PCDH15: variants seen among roughly 807,000 people sequenced by gnomAD.
The protein encoded by PCDH15 is protocadherin related 15.
Under a neutral mutation model 178.5 loss-of-function variants are expected in PCDH15, and 129 were observed. The ratio of observed to expected loss-of-function variants is 0.72; its 90% CI spans 0.63 to 0.84. PCDH15 has a LOEUF of 0.84. Ranked by LOEUF, PCDH15 falls within the 40% of genes least tolerant of loss-of-function variation. PCDH15 has a pLI of 0.00. For missense variants in PCDH15, 2,230 were observed against 2,099.9 expected (o/e 1.06, Z -1.21); for synonymous variants, 800 against 732.0 (o/e 1.09, Z -1.50).
Position 53,806,579 on chromosome 10 carries a change from TCA to T in PCDH15, c.5221_5222del (p.Ter1741ThrfsTer16). Reference protein sequence around the residue: ...NNLHIPMTKL* With the variant: ...NNLHIPMTKLX ...ATTAAAATATCTTTTAAAAAATTGGTCACAGTTTTGTCATTGGTATATGGAGG... is the reference window on the plus strand; with the variant it reads ...ATTAAAATATCTTTTAAAAAATTGGTCAGTTTTGTCATTGGTATATGGAGG... On this transcript the variant is annotated frameshift_variant and stop_lost, in exon 38 of 38. Transcript: ENST00000644397. LOFTEE classifies it high-confidence loss of function. The T allele has an allele frequency of 1.3e-6, 2 of 1,579,512 alleles. No individual in the cohort carries two copies. Among genetic ancestry groups the T allele is most frequent in the Non-Finnish European group, 1.7e-6 (2 of 1,161,776 alleles).
intron 2 of PCDH15, among the ~76,000 whole-genome samples, chr10:55,568,185 G>C (rs527793296): frequency 2.0e-5 from 3 of 152,098 alleles, no homozygotes; most frequent in African/African-American, 7.2e-5. Flanking sequence ...GAACGGATAA[G>C]CAAAATGTGG....
chr10:54,445,566 T>C (rs1191149901), intron 3 of PCDH15, among the ~76,000 whole-genome samples: 1 of 151,608 alleles, frequency 6.6e-6, no homozygotes, highest in East Asian at 1.9e-4. Context: ...ATCATAATTG[T>C]TAAAGTTGAG....
At chr10:54,084,234 C>G (rs113351950) in intron 16 of PCDH15, among the ~76,000 whole-genome samples, 2,220 of 151,958 alleles carry the variant, frequency 0.015, 62 homozygotes, top group African/African-American at 0.051. Flanking sequence ...TACAGGTTCC[C>G]TGGGAGCTTA....
chr10:55,340,390 A>G (rs555610704), intron 2 of PCDH15, among the ~76,000 whole-genome samples: 1 of 152,062 alleles, frequency 6.6e-6, no homozygotes, highest in South Asian at 2.1e-4. Flanking sequence ...TCCTACACCC[A>G]AAATTATCCT....
intron 2 of PCDH15, among the ~76,000 whole-genome samples, chr10:55,070,688 T>A (rs931762435): frequency 1.2e-4 from 18 of 152,192 alleles, no homozygotes; most frequent in Non-Finnish European, 2.2e-4. Flanking sequence ...AGCCTTGTAG[T>A]ATAGTTTGAA....
chr10:55,391,000 A>G (rs1197996992), intron 2 of PCDH15, among the ~76,000 whole-genome samples: 6 of 152,208 alleles, frequency 3.9e-5, no homozygotes. Context: ...CAGCTGCATT[A>G]GCCCAATAAC....
chr10:54,763,777 A>T (rs1209830352), intron 1 of PCDH15, among the ~76,000 whole-genome samples: 1 of 147,896 alleles, frequency 6.8e-6, no homozygotes, highest in Non-Finnish European at 1.5e-5. Flanking sequence ...TAGTATATAA[A>T]TATACTATAT....
At chr10:55,187,719 A>T (rs1839835210) in intron 1 of PCDH15, among the ~76,000 whole-genome samples, 1 of 151,938 alleles carries the variant, frequency 6.6e-6, no homozygotes. Context: ...TAGATTTTTA[A>T]ATGTTCATTA....
chr10:54,048,283 C>A (rs925502049), intron 18 of PCDH15, among the ~76,000 whole-genome samples: 1 of 151,864 alleles, frequency 6.6e-6, no homozygotes, highest in African/African-American at 2.4e-5. Context: ...ATTTTAAGTT[C>A]TTTATAGAAT....
chr10:55,524,668 G>T (rs918510549), intron 2 of PCDH15, among the ~76,000 whole-genome samples: 5 of 151,422 alleles, frequency 3.3e-5, no homozygotes, highest in East Asian at 3.9e-4. Flanking sequence ...ATTGTAGGAT[G>T]AAATATTGCA....
intron 1 of PCDH15, among the ~76,000 whole-genome samples, chr10:54,778,636 C>G (rs1004704297): frequency 6.6e-6 from 1 of 151,990 alleles, no homozygotes; most frequent in East Asian, 1.9e-4. Flanking sequence ...ACTGCATTCT[C>G]CTTAAAATTG....
At chr10:54,770,241 A>G (rs1044867495) in intron 1 of PCDH15, among the ~76,000 whole-genome samples, 1 of 152,146 alleles carries the variant, frequency 6.6e-6, no homozygotes, top group Non-Finnish European at 1.5e-5. Context: ...ATGGTTTCAA[A>G]TTATGACCTT....
intron 2 of PCDH15, among the ~76,000 whole-genome samples, chr10:55,135,947 G>A (rs910507072): frequency 1.3e-5 from 2 of 152,112 alleles, no homozygotes; most frequent in Non-Finnish European, 2.9e-5. Flanking sequence ...ATCAAATTAC[G>A]TGTGGGTTGG....
intron 8 of PCDH15, among the ~76,000 whole-genome samples, chr10:54,262,462 A>C (rs2057382453): frequency 1.3e-5 from 2 of 152,062 alleles, no homozygotes; most frequent in Non-Finnish European, 2.9e-5. Flanking sequence ...TGCCCAGCTT[A>C]AGTGTTTTGT....
Position 55,478,561 on chromosome 10 carries a change from C to T in PCDH15, c.-156+149064G>A, listed in dbSNP as rs1362879496. On this transcript the variant is annotated intron_variant, in intron 2 of 5. Coordinates refer to the PCDH15 transcript ENST00000613346. ...CATGAAAGAAGTAGAAAGATTTCAA[C>T]TAAAGGAGCTAATGTTGTACCTCAA... 1.7e-4 allele frequency among the ~76,000 whole-genome samples: 26 copies of T among 150,828 alleles called. 1 individual carries two copies. Among genetic ancestry groups the T allele is most frequent in the Non-Finnish European group, 1.5e-5 (1 of 67,520 alleles).
intron 9 of PCDH15, among the ~76,000 whole-genome samples, chr10:54,218,102 C>T (rs1033593853): frequency 6.6e-6 from 1 of 152,136 alleles, no homozygotes; most frequent in African/African-American, 2.4e-5. Context: ...AATAAGAAAA[C>T]AGAGCATGCT....
At chr10:55,275,369 G>T (rs542920587) in intron 1 of PCDH15, among the ~76,000 whole-genome samples, 4 of 151,808 alleles carry the variant, frequency 2.6e-5, no homozygotes, top group Admixed American at 6.6e-5. Context: ...GGTATGATTT[G>T]TACTCTTTCC....
chr10:54,967,728 C>G (rs928786410), intron 2 of PCDH15, among the ~76,000 whole-genome samples: 1 of 152,136 alleles, frequency 6.6e-6, no homozygotes, highest in Non-Finnish European at 1.5e-5. Flanking sequence ...ATACTGCAGA[C>G]TGAATGCTTT....
chr10:55,169,809 G>T (rs549994191), intron 1 of PCDH15, among the ~76,000 whole-genome samples: 1 of 152,086 alleles, frequency 6.6e-6, no homozygotes, highest in Non-Finnish European at 1.5e-5. Context: ...AGTGGAAATA[G>T]CAAACATTAG....
Sources: allele counts gnomAD v4.1 joint callset (sites outside exome capture counted in the v4.1 genomes callset), GRCh38; gene constraint gnomAD v4.1.1; transcripts MANE v1.5; gene names NCBI Gene and HGNC (gene_info 2026-07-23, HGNC 2026-07-21).